The following C10orf143 variants were observed in gnomAD, a reference collection of about 807,000 sequenced individuals.
The protein encoded by C10orf143 is uncharacterized protein C10orf143.
intron 1 of C10orf143, among the ~76,000 whole-genome samples, chr10:130,098,639 A>G (rs1456777661): frequency 1.3e-5 from 2 of 152,202 alleles, no homozygotes; most frequent in Non-Finnish European, 2.9e-5. Flanking sequence ...GCACTTGGTA[A>G]TTAAAGAACC....
chr10:130,075,974 T>G (rs1053765499), intron 3 of C10orf143, among the ~76,000 whole-genome samples: 1 of 144,196 alleles, frequency 6.9e-6, no homozygotes, highest in Non-Finnish European at 1.6e-5. Flanking sequence ...ATGTGTGTGT[T>G]TTTTGTTTGT....
intron 3 of C10orf143, among the ~76,000 whole-genome samples, chr10:130,046,967 TTCTAG>T (rs1860683145): frequency 6.6e-6 from 1 of 152,248 alleles, no homozygotes; most frequent in African/African-American, 2.4e-5. Context: ...ACGTTCTGTA[TTCTAG>T]TCAACAGACA....
rs537949727 is a variant in C10orf143 at position 130,097,961 on chromosome 10, T to C, written c.69+12743A>G. 2.6e-5 allele frequency among the ~76,000 whole-genome samples: 4 copies of C among 151,574 alleles called. No homozygotes were observed. The South Asian group carries it at 6.3e-4, about 24-fold the overall frequency. ...TTTCTGAAGTGAAGAGAATGAAAAC[T>C]GGGTGGTGATAGTTGCACAGCTGTA... On this transcript the variant is annotated intron_variant, in intron 1 of 3. Coordinates refer to ENST00000637128, the MANE Select transcript of C10orf143 (RefSeq NM_001355042.2).
At chr10:130,098,396 A>T (rs1422939699) in intron 1 of C10orf143, among the ~76,000 whole-genome samples, 1 of 152,236 alleles carries the variant, frequency 6.6e-6, no homozygotes, top group Non-Finnish European at 1.5e-5. Context: ...AAATCTAAAA[A>T]GATAGTAGCT....
rs1860894131 is a variant in C10orf143 at position 130,064,306 on chromosome 10, A to C, written c.*48T>G. ...GAGATTCACATTTGCTGCAACATGA[A>C]GGGTTCAAAACCAAAACTGGGACCT... On this transcript the variant is annotated 3_prime_UTR_variant, in exon 4 of 4. Transcript: ENST00000637128. 2.5e-6 allele frequency: 1 copy of C among 398,400 alleles called. No homozygotes were observed. The highest frequency in any genetic ancestry group is 2.1e-5 in the African/African-American group (1 of 48,630). The allele number at this position is 398,400 out of a possible 1,614,324, so 24.7% of individuals were successfully genotyped here.
intron 3 of C10orf143, among the ~76,000 whole-genome samples, chr10:130,040,678 C>A (rs924990723): frequency 1.9e-4 from 29 of 152,120 alleles, no homozygotes; most frequent in African/African-American, 6.8e-4. Context: ...ACTAAAAATA[C>A]AAAAATTACC....
At chr10:130,061,979 C>T (rs1462045141), downstream of C10orf143, among the ~76,000 whole-genome samples, 1 of 146,780 alleles carries the variant, frequency 6.8e-6, no homozygotes, top group African/African-American at 2.6e-5. Context: ...GCTGTGACAG[C>T]AAGTCAGGGG....
intron 3 of C10orf143, among the ~76,000 whole-genome samples, chr10:130,058,579 C>CTT (rs1366785450): frequency 1.4e-5 from 1 of 72,858 alleles, no homozygotes; most frequent in African/African-American, 4.2e-5. Flanking sequence ...TTTTAAACAG[C>CTT]ATTTTTTTTT....
intron 3 of C10orf143, among the ~76,000 whole-genome samples, chr10:130,069,764 C>T (rs1276879744): frequency 6.6e-6 from 1 of 152,180 alleles, no homozygotes; most frequent in Non-Finnish European, 1.5e-5. Flanking sequence ...GCATGAGTCA[C>T]TGTGGTCAGC....
intron 3 of C10orf143, among the ~76,000 whole-genome samples, chr10:130,036,323 C>T (rs558770890): frequency 1.1e-3 from 166 of 152,288 alleles, no homozygotes; most frequent in Non-Finnish European, 1.8e-3. Flanking sequence ...CTTCCAGGCC[C>T]GATAGGTCAT....
chr10:130,061,374 T>C (rs1860856052), downstream of C10orf143, among the ~76,000 whole-genome samples: 1 of 152,212 alleles, frequency 6.6e-6, no homozygotes, highest in African/African-American at 2.4e-5. Flanking sequence ...ATAAACTATA[T>C]TTTTGAAGGA....
At chr10:130,109,483 G>A (rs556101421) in intron 1 of C10orf143, among the ~76,000 whole-genome samples, 1 of 152,298 alleles carries the variant, frequency 6.6e-6, no homozygotes, top group South Asian at 2.1e-4. Context: ...TTCTGTGCAG[G>A]AGAATCAAAC....
intron 1 of C10orf143, among the ~76,000 whole-genome samples, chr10:130,083,343 G>C (rs1861237500): frequency 1.3e-5 from 2 of 152,068 alleles, no homozygotes; most frequent in African/African-American, 2.4e-5. Context: ...ATTCTTGCAG[G>C]GAAATTTGGC....
intron 3 of C10orf143, among the ~76,000 whole-genome samples, chr10:130,046,182 C>T (rs748406782): frequency 7.3e-6 from 1 of 137,364 alleles, no homozygotes; most frequent in African/African-American, 2.8e-5. Flanking sequence ...TAAGTGGGGC[C>T]TGAGTGGGGC....
chr10:130,067,648 A>G (rs972984807), intron 3 of C10orf143: 4 of 152,180 alleles, frequency 2.6e-5, no homozygotes, highest in Admixed American at 2.6e-4. Flanking sequence ...CCTTCTCAAG[A>G]GAATTCTACA....
intron 1 of C10orf143, among the ~76,000 whole-genome samples, chr10:130,093,565 G>C (rs770226497): frequency 9.9e-5 from 15 of 152,114 alleles, no homozygotes; most frequent in Non-Finnish European, 1.5e-4. Context: ...ACTAAGATCA[G>C]AGCAGAACTG....
chr10:130,081,608 A>G (rs1590022685), intron 1 of C10orf143, among the ~76,000 whole-genome samples: 1 of 152,018 alleles, frequency 6.6e-6, no homozygotes, highest in Non-Finnish European at 1.5e-5. Flanking sequence ...AATGTAGCCA[A>G]TACTTTCTGA....
chr10:130,103,693 C>A (rs1696905447), intron 1 of C10orf143, among the ~76,000 whole-genome samples: 1 of 151,872 alleles, frequency 6.6e-6, no homozygotes, highest in African/African-American at 2.4e-5. Flanking sequence ...GCCTGTAGTC[C>A]CAGCTACTCA....
intron 3 of C10orf143, among the ~76,000 whole-genome samples, chr10:130,071,867 G>A (rs1278866672): frequency 6.6e-6 from 1 of 152,104 alleles, no homozygotes; most frequent in Non-Finnish European, 1.5e-5. Flanking sequence ...CAGGTGATCT[G>A]CCCACCTTGG....
Sources: gnomAD v4.1 joint callset for allele counts (sites outside exome capture counted in the v4.1 genomes callset) on GRCh38, gnomAD v4.1.1 for gene constraint, MANE v1.5 for transcripts, NCBI Gene and HGNC (gene_info 2026-07-23, HGNC 2026-07-21) for gene names.